Variants in AMD1 observed in about 807,000 individuals in gnomAD.
AMD1 encodes the protein adenosylmethionine decarboxylase 1.
A neutral mutation model predicts 40.2 loss-of-function variants in AMD1; 11 were observed. The ratio of observed to expected loss-of-function variants is 0.27; its 90% CI spans 0.17 to 0.45. The LOEUF is 0.45. Among genes scored for constraint, AMD1 ranks in the 20% least tolerant of loss-of-function variants. The pLI, the probability that AMD1 is intolerant of heterozygous loss-of-function variation, is 1.00. For missense variants in AMD1, 257 were observed against 410.2 expected, an observed-to-expected ratio of 0.63 and a Z score of 3.23; for synonymous variants, 121 against 130.8, an observed-to-expected ratio of 0.93 and a Z score of 0.51.
chr6:110,833,222 A>G, the AMD1 span, among the ~76,000 whole-genome samples: 2 of 152,192 alleles, frequency 1.3e-5, no homozygotes, highest in Non-Finnish European at 2.9e-5. Context: ...AGTTTACAGT[A>G]CTCCATAGAC....
At chr6:110,839,174 A>G in the AMD1 span, among the ~76,000 whole-genome samples, 63 of 152,298 alleles carry the variant, frequency 4.1e-4, no homozygotes, top group South Asian at 9.5e-3. Flanking sequence ...TTCATGTGCA[A>G]ATGTTAACCA....
At position 110,893,007 on chromosome 6, in the gene AMD1, G is replaced by A. The variant is rs1186390918; in HGVS notation, c.806G>A (p.Arg269Lys). Residue 269 changes from arginine to lysine, a missense_variant, in exon 8 of 9, where the codon AGG (arginine) becomes AAG (lysine). Arg to Lys is a conservative substitution (Grantham distance 26, BLOSUM62 2). This residue lies in a region of AMD1 where 192 missense variants were observed against 296.5 expected (regional missense o/e 0.65). Coordinates refer to ENST00000368885, the MANE Select transcript of AMD1 (RefSeq NM_001634.6). ...CAGACCTCCTATGATGACCTGATCA[G>A]GAAAGTTGTAGAAGTCTTCAAGCCA... ...LSQTSYDDLI[R>K]KVVEVFKPGK... 1.2e-6 allele frequency: 2 copies of A among 1,613,808 alleles called. No individual in the cohort carries two copies. The highest frequency in any genetic ancestry group is 1.7e-5 in the Admixed American group (1 of 59,988).
rs1186390701 is a variant in AMD1, at chr6:110,874,979, A to G, written c.-127A>G. ...AAAGTTAATATAAAATTATAGCAAA[A>G]AAAAAAAGGAACCTGAACTTTAGTA... is the stretch of plus-strand genomic sequence containing the variant. On this transcript the variant is annotated 5_prime_UTR_variant, in exon 1 of 9. Transcript: ENST00000368885. 5 of 674,934 alleles carry G rather than the reference A, an allele frequency of 7.4e-6. No individual in the cohort carries two copies. The highest frequency in any genetic ancestry group is 1.2e-5 in the Non-Finnish European group (5 of 408,120). The allele number at this position is 674,934 out of a possible 1,614,324, so 41.8% of individuals were successfully genotyped here.
At chr6:110,851,441 T>C in the AMD1 span, among the ~76,000 whole-genome samples, 1 of 151,238 alleles carries the variant, frequency 6.6e-6, no homozygotes, top group Admixed American at 6.6e-5. Flanking sequence ...TTTTTGTTTG[T>C]TTTTGTTGTT....
the AMD1 span, among the ~76,000 whole-genome samples, chr6:110,821,733 CAAAAT>C: frequency 3.3e-5 from 5 of 151,954 alleles, no homozygotes; most frequent in South Asian, 2.1e-4. Context: ...GACCTTGTCT[CAAAAT>C]AAAATAAAAT....
intron 1 of AMD1, among the ~76,000 whole-genome samples, chr6:110,885,983 G>A (rs117507130): frequency 0.028 from 4,209 of 152,304 alleles, 90 homozygotes; most frequent in South Asian, 0.1. Flanking sequence ...GGCTGGGCAC[G>A]GTGGCTCATG....
In AMD1 at chr6:110,892,890, CTG is replaced by C. The variant is rs201449961; in HGVS notation, c.709-17_709-16del. On this transcript the variant is annotated intron_variant, in intron 7 of 8. Coordinates refer to ENST00000368885, the MANE Select transcript of AMD1 (RefSeq NM_001634.6). ...GTGAATAGTCTTTCCATTCTTAACA[CTG>C]TGAACTTTTTCTCTCAGGGAACTTA... 72,007 of 1,613,502 alleles carry C rather than the reference CTG, an allele frequency of 0.045. 1,895 individuals carry two copies. Among genetic ancestry groups the C allele is most frequent in the Middle Eastern group, 0.077 (465 of 6,008 alleles).
the AMD1 span, among the ~76,000 whole-genome samples, chr6:110,836,148 G>A: frequency 2.6e-5 from 4 of 151,830 alleles, no homozygotes; most frequent in Non-Finnish European, 5.9e-5. Context: ...TCTGGCAATA[G>A]GAATACAAAA....
At chr6:110,851,149 A>G in the AMD1 span, among the ~76,000 whole-genome samples, 1 of 152,014 alleles carries the variant, frequency 6.6e-6, no homozygotes, top group Non-Finnish European at 1.5e-5. Flanking sequence ...TTTTTTTAGT[A>G]GAGACGAGGT....
chr6:110,850,498 C>T, the AMD1 span, among the ~76,000 whole-genome samples: 1 of 152,180 alleles, frequency 6.6e-6, no homozygotes, highest in Non-Finnish European at 1.5e-5. Flanking sequence ...AGACCCACCC[C>T]AACCATCCCT....
At position 110,893,954 on chromosome 6, in the gene AMD1, A is replaced by G; in HGVS notation, c.*338A>G. ...TTTATGCACAGTGTAATATTTCTCC[A>G]AGTATCATCCAAAATTCCCCACAGA... On this transcript the variant is annotated 3_prime_UTR_variant, in exon 9 of 9. Coordinates refer to ENST00000368885, the MANE Select transcript of AMD1 (RefSeq NM_001634.6). 4.5e-6 allele frequency: 1 copy of G among 223,542 alleles called. No individual in the cohort carries two copies. The highest frequency in any genetic ancestry group is 7.1e-5 in the South Asian group (1 of 14,098). 13.8% of individuals were successfully genotyped at this position (223,542 alleles called of 1,614,324 possible). A position where few individuals can be genotyped will look rare whatever the true frequency, so the allele number is the denominator to read the frequency against.
the AMD1 span, among the ~76,000 whole-genome samples, chr6:110,859,984 G>A: frequency 6.6e-6 from 1 of 152,062 alleles, no homozygotes; most frequent in African/African-American, 2.4e-5. Context: ...GCTCCACCAC[G>A]CCTGGCTAAT....
rs577603014 is a variant in AMD1, at chr6:110,884,013, A to T, written c.111-3492A>T. On this transcript the variant is annotated intron_variant, in intron 1 of 8. Transcript: ENST00000368885. ...AGTAAACCTATAAAGTTTTATATGA[A>T]CACTCCTTAGCCATTTTGCATGGAT... Among the ~76,000 whole-genome samples, 4 of 152,316 alleles carry T rather than the reference A, an allele frequency of 2.6e-5. 1 individual carries two copies. In the East Asian group the frequency reaches 7.7e-4, roughly 29 times the overall value.
chr6:110,815,469 T>C, the AMD1 span: 1 of 197,780 alleles, frequency 5.1e-6, no homozygotes, highest in Non-Finnish European at 1.0e-5. Flanking sequence ...GCGAACTCAC[T>C]GGCCCGCCCC....
At chr6:110,827,648 C>A in the AMD1 span, among the ~76,000 whole-genome samples, 1 of 151,770 alleles carries the variant, frequency 6.6e-6, no homozygotes, top group African/African-American at 2.4e-5. Context: ...ACCTGTAGTC[C>A]CAGCTGCTTG....
chr6:110,868,241 G>A, the AMD1 span, among the ~76,000 whole-genome samples: 7,875 of 151,942 alleles, frequency 0.052, 266 homozygotes, highest in South Asian at 0.1. Flanking sequence ...TCTGCCTCCC[G>A]GGTTCATGCC....
At chr6:110,833,010 G>A in the AMD1 span, among the ~76,000 whole-genome samples, 1 of 152,080 alleles carries the variant, frequency 6.6e-6, no homozygotes, top group African/African-American at 2.4e-5. Context: ...CAGTAGAGAT[G>A]GGGTTTCGCC....
At chr6:110,833,111 G>A in the AMD1 span, among the ~76,000 whole-genome samples, 10 of 152,172 alleles carry the variant, frequency 6.6e-5, no homozygotes, top group African/African-American at 1.9e-4. Context: ...GTGAGCCACC[G>A]TGCCCGGCTG....
chr6:110,867,999 T>G, the AMD1 span, among the ~76,000 whole-genome samples: 3 of 152,174 alleles, frequency 2.0e-5, no homozygotes, highest in Non-Finnish European at 2.9e-5. Flanking sequence ...CTTATTTATT[T>G]ATTGTTTGTA....
Sources: allele counts gnomAD v4.1 joint callset (sites outside exome capture counted in the v4.1 genomes callset), GRCh38; gene constraint gnomAD v4.1.1; regional missense constraint gnomAD v4.1.1; transcripts MANE v1.5; gene names NCBI Gene and HGNC (gene_info 2026-07-23, HGNC 2026-07-21).